DNAH6: variants seen among roughly 807,000 people sequenced by gnomAD.
The protein encoded by DNAH6 is axonemal beta dynein heavy chain 6.
In DNAH6, 340 loss-of-function variants were observed where a neutral mutation model predicts 491.4. That is an observed-to-expected ratio of 0.69 (90% CI 0.63 to 0.76). DNAH6 has a LOEUF of 0.76. Among genes scored for constraint, DNAH6 ranks in the 30% least tolerant of loss-of-function variants. The pLI, the probability that DNAH6 is intolerant of heterozygous loss-of-function variation, is 0.00. For synonymous variants in DNAH6, 1,603 were observed against 1,686.1 expected (o/e 0.95, Z 1.21); for missense variants, 4,443 against 4,972.2 (o/e 0.89, Z 3.20).
intron 47 of DNAH6, 138 bp downstream of exon 47, chr2:84,697,865 T>A: frequency 1.1e-6 from 1 of 925,112 alleles, no homozygotes; most frequent in Non-Finnish European, 1.6e-6. Context: ...GTATTCGATG[T>A]ATTTTATTTT....
chr2:84,548,029 C>T (rs1678950131), intron 7 of DNAH6, among the ~76,000 whole-genome samples: 1 of 152,084 alleles, frequency 6.6e-6, no homozygotes, highest in Non-Finnish European at 1.5e-5. Flanking sequence ...TAAAGATGTT[C>T]CTAGGAAAGA....
intron 59 of DNAH6, among the ~76,000 whole-genome samples, chr2:84,721,062 G>T (rs1698106655): frequency 6.6e-6 from 1 of 152,136 alleles, no homozygotes; most frequent in South Asian, 2.1e-4. Flanking sequence ...AGCCTGTAGG[G>T]CATAATGTCT....
chr2:84,629,523 G>A (rs1170804315), intron 29 of DNAH6, among the ~76,000 whole-genome samples: 1 of 152,058 alleles, frequency 6.6e-6, no homozygotes, highest in Non-Finnish European at 1.5e-5. Flanking sequence ...TATACTGTAG[G>A]ATTTCTCATC....
intron 76 of DNAH6, 50 bp from the exon 77 acceptor site, chr2:84,819,255 G>A (rs1335726247): frequency 7.7e-7 from 1 of 1,302,584 alleles, no homozygotes; most frequent in South Asian, 1.3e-5. Flanking sequence ...CTTTGTATGA[G>A]GAAGTTATTC....
At chr2:84,653,255 T>C (rs1353203939) in intron 33 of DNAH6, 64 bp from the exon 34 acceptor site, 7 of 1,287,952 alleles carry the variant, frequency 5.4e-6, no homozygotes, top group African/African-American at 1.5e-5. Flanking sequence ...TCATTGATTG[T>C]AACAAATACG....
At chr2:84,519,700 CTCTT>C (rs752155798) in intron 2 of DNAH6, among the ~76,000 whole-genome samples, 21 of 150,922 alleles carry the variant, frequency 1.4e-4, no homozygotes, top group Non-Finnish European at 2.7e-4. Context: ...TTCTCCTACT[CTCTT>C]TCTTTTCTAC....
At chr2:84,605,087 C>T (rs1227163228) in intron 19 of DNAH6, among the ~76,000 whole-genome samples, 4 of 152,080 alleles carry the variant, frequency 2.6e-5, no homozygotes, top group Non-Finnish European at 5.9e-5. Flanking sequence ...GTGGCTCATG[C>T]CTGTAATCCC....
intron 32 of DNAH6, among the ~76,000 whole-genome samples, chr2:84,640,907 G>A (rs2104501313): frequency 6.6e-6 from 1 of 152,314 alleles, no homozygotes; most frequent in Middle Eastern, 3.4e-3. Context: ...AAGATGGTAT[G>A]ACTAGACTTA....
In DNAH6 at chr2:84,544,504, T is replaced by A. The variant is rs2104524817; in HGVS notation, c.930+4T>A. ...AAATTTGTTCATTGTTAATCCTGTA[T>A]GTATTTATCATTTATATTTTAAAAT... On this transcript the variant is annotated splice_donor_region_variant and intron_variant, in intron 5 of 76. Coordinates refer to ENST00000389394, the MANE Select transcript of DNAH6 (RefSeq NM_001370.2). The A allele has an allele frequency of 7.3e-7, 1 of 1,363,226 alleles. No homozygotes were observed. Among genetic ancestry groups the A allele is most frequent in the East Asian group, 2.5e-5 (1 of 39,714 alleles). 84.4% of individuals were successfully genotyped at this position (1,363,226 alleles called of 1,614,324 possible).
chr2:84,658,057 A>C (rs986879431), intron 35 of DNAH6, among the ~76,000 whole-genome samples: 2 of 152,012 alleles, frequency 1.3e-5, no homozygotes, highest in Non-Finnish European at 2.9e-5. Flanking sequence ...CTCTGAACCC[A>C]TTGCCAGACC....
chr2:84,756,550 G>A (rs929353219), intron 63 of DNAH6, among the ~76,000 whole-genome samples: 2 of 152,184 alleles, frequency 1.3e-5, no homozygotes, highest in Admixed American at 1.3e-4. Context: ...GGTCACCCAG[G>A]ATTCTGATAG....
intron 26 of DNAH6, among the ~76,000 whole-genome samples, chr2:84,622,769 C>T (rs1268851812): frequency 6.6e-6 from 1 of 152,078 alleles, no homozygotes; most frequent in Non-Finnish European, 1.5e-5. Context: ...TCCATAATGC[C>T]TGTACCATGT....
the DNAH6 span, among the ~76,000 whole-genome samples, chr2:84,510,491 G>T: frequency 1.3e-5 from 2 of 152,034 alleles, no homozygotes; most frequent in Admixed American, 6.6e-5. Flanking sequence ...TTTTTTCAAT[G>T]TTTTTAACTT....
chr2:84,652,195 T>C (rs371207534), intron 33 of DNAH6, among the ~76,000 whole-genome samples: 45 of 152,210 alleles, frequency 3.0e-4, no homozygotes, highest in Middle Eastern at 3.4e-3. Context: ...ATTTTTTATT[T>C]AAATAGATTA....
At chr2:84,528,787 T>C in intron 3 of DNAH6, 117 bp from the exon 4 acceptor site, 1 of 1,028,116 alleles carries the variant, frequency 9.7e-7, no homozygotes, top group Non-Finnish European at 1.4e-6. Flanking sequence ...TGCTTGCCTT[T>C]GAGCCCTAGA....
rs1698764723 is a variant in DNAH6, at chr2:84,727,665, A to G, written c.9973-4A>G. On this transcript the variant is annotated splice_polypyrimidine_tract_variant and splice_region_variant and intron_variant, in intron 60 of 76. Coordinates refer to ENST00000389394, the MANE Select transcript of DNAH6 (RefSeq NM_001370.2). ...AGACATTGATAGAGCTCTCTTTCAC[A>G]CAGTTGTTCAATACCACCATTGAAA... The G allele has an allele frequency of 3.3e-6, 5 of 1,518,446 alleles. No individual in the cohort carries two copies. In the South Asian group the frequency reaches 4.8e-5, roughly 15 times the overall value. The allele number at this position is 1,518,446 out of a possible 1,614,324, so 94.1% of individuals were successfully genotyped here. A position where few individuals can be genotyped will look rare whatever the true frequency, so the allele number is the denominator to read the frequency against.
intron 24 of DNAH6, among the ~76,000 whole-genome samples, chr2:84,620,629 G>T (rs1483046350): frequency 6.6e-6 from 1 of 152,048 alleles, no homozygotes; most frequent in Non-Finnish European, 1.5e-5. Context: ...TGTATCTATG[G>T]GAACATATAA....
At chr2:84,706,045 C>T (rs941867526) in intron 52 of DNAH6, among the ~76,000 whole-genome samples, 1 of 152,106 alleles carries the variant, frequency 6.6e-6, no homozygotes, top group African/African-American at 2.4e-5. Flanking sequence ...TCTGTATTTC[C>T]GTTTGCTAAA....
At chr2:84,497,181 G>T in the DNAH6 span, among the ~76,000 whole-genome samples, 2 of 152,102 alleles carry the variant, frequency 1.3e-5, no homozygotes, top group African/African-American at 4.8e-5. Context: ...ATGTTGGCCA[G>T]ACTGGTCTCA....
Sources: gnomAD v4.1 joint callset for allele counts (sites outside exome capture counted in the v4.1 genomes callset) on GRCh38, gnomAD v4.1.1 for gene constraint, MANE v1.5 for transcripts, NCBI Gene and HGNC (gene_info 2026-07-23, HGNC 2026-07-21) for gene names.